The following ALG13 variants were observed in gnomAD, a reference collection of about 807,000 sequenced individuals.
ALG13 encodes UDP-N-acetylglucosamine transferase subunit ALG13.
ALG13 carries 11 observed loss-of-function variants against 87.8 expected under a neutral mutation model. The observed-to-expected ratio is 0.13, with a 90% CI of 0.08 to 0.21. ALG13 has a LOEUF of 0.21. ALG13 is among the 10% of genes least tolerant of loss of function. The pLI is 1.00. For synonymous variants in ALG13, 320 were observed against 306.3 expected, an observed-to-expected ratio of 1.04 and a Z score of -0.47; for missense variants, 756 against 866.1, an observed-to-expected ratio of 0.87 and a Z score of 1.60.
intron 20 of ALG13, 44 bp downstream of exon 20, chrX:111,730,471 A>G: frequency 8.4e-7 from 1 of 1,196,012 alleles, no homozygotes; most frequent in Non-Finnish European, 1.1e-6. Context: ...CATTGTTTAT[A>G]GAATTTCAAG....
intron 3 of ALG13, chrX:111,689,903 A>T: frequency 1.3e-6 from 1 of 753,983 alleles, no homozygotes; most frequent in Non-Finnish European, 1.6e-6. Flanking sequence ...GGAATTTCAC[A>T]CTTAACTGGG....
At chrX:111,755,318 A>G (rs1037406197) in intron 25 of ALG13, among the ~76,000 whole-genome samples, 1 of 112,514 alleles carries the variant, frequency 8.9e-6, no homozygotes, top group Admixed American at 9.4e-5. Flanking sequence ...ACCTAAAACC[A>G]TAAAAACCCT....
At position 111,708,314 on chromosome X, in the gene ALG13, A is replaced by C; in HGVS notation, c.671A>C (p.Glu224Ala). Residue 224 changes from glutamate to alanine, a missense_variant, in exon 4 of 27, where the codon GAA becomes GCA. Transcript: ENST00000394780. ...TCTTTGAATGAGGCATCAATGGATG[A>C]ATATTTAGGCAGCTTAGGGCTGTTT... ...QKSLNEASMD[E>A]YLGSLGLFRK... 1 of 1,211,754 alleles carries C rather than the reference A, an allele frequency of 8.3e-7. No homozygotes were observed. Among genetic ancestry groups the C allele is most frequent in the Middle Eastern group, 2.3e-4 (1 of 4,351 alleles).
chrX:111,757,640 A>G lies in ALG13; in HGVS notation c.3026A>G (p.Gln1009Arg), dbSNP rs765207183. 8.3e-7 allele frequency: 1 copy of G among 1,209,769 alleles called. No homozygotes were observed. Among genetic ancestry groups the G allele is most frequent in the Non-Finnish European group, 1.1e-6 (1 of 894,190 alleles). The part of the protein sequence containing the change: ...HSMVYVPQMQ[Q>R]QLHVENYPVY... ...ATGGTCTATGTGCCACAGATGCAGC[A>G]GCAGCTTCATGTAGAGAATTATCCA... The change falls in exon 26 of 27, where the codon CAG becomes CGG. Residue 1009 changes from glutamine (Q) to arginine (R), a missense_variant. Transcript: ENST00000394780.
At chrX:111,736,578 A>G (rs758783410) in intron 22 of ALG13, 136 bp from the exon 23 acceptor site, 57 of 551,740 alleles carry the variant, frequency 1.0e-4, no homozygotes, top group Middle Eastern at 1.1e-3. Context: ...ACCTTCCTAT[A>G]TAAGGTTTAC....
chrX:111,750,491 TGTG>T (rs765219392), intron 24 of ALG13, among the ~76,000 whole-genome samples: 8 of 111,298 alleles, frequency 7.2e-5, no homozygotes, highest in Non-Finnish European at 1.3e-4. Flanking sequence ...CTACAGATAT[TGTG>T]ATTTTTATTT....
chrX:111,736,093 C>T (rs1351068271), intron 22 of ALG13, among the ~76,000 whole-genome samples: 4 of 111,159 alleles, frequency 3.6e-5, no homozygotes, highest in Middle Eastern at 8.5e-3. Context: ...TACTTGAGCC[C>T]AGGGGTTCAA....
chrX:111,696,773 A>T (rs1297372653), intron 3 of ALG13, among the ~76,000 whole-genome samples: 1 of 111,495 alleles, frequency 9.0e-6, no homozygotes, highest in Non-Finnish European at 1.9e-5. Flanking sequence ...ATGTTATTTA[A>T]AGTTACTTTA....
intron 10 of ALG13, among the ~76,000 whole-genome samples, chrX:111,718,659 G>C: frequency 8.9e-6 from 1 of 112,217 alleles, no homozygotes. Context: ...TAAGCATTCT[G>C]ATGTAGGTAG....
intron 3 of ALG13, among the ~76,000 whole-genome samples, chrX:111,697,147 C>T (rs1000823031): frequency 9.0e-6 from 1 of 111,107 alleles, no homozygotes; most frequent in Non-Finnish European, 1.9e-5. Flanking sequence ...ACAAAAATTT[C>T]TAGAGCAGTG....
chrX:111,708,101 C>G lies in ALG13; in HGVS notation c.458C>G (p.Thr153Ser). 1 of 1,211,524 alleles carries G rather than the reference C, an allele frequency of 8.3e-7. No homozygotes were observed. Among genetic ancestry groups the G allele is most frequent in the Admixed American group, 2.2e-5 (1 of 46,040 alleles). Reference sequence around the variant, plus strand: ...AAGTGCCAAGATTCTGCAGCGCTGACTTCAACTGCCTTTTCAGGCCTAGAC... The same window carrying G: ...AAGTGCCAAGATTCTGCAGCGCTGAGTTCAACTGCCTTTTCAGGCCTAGAC... ...PGKCQDSAAL[T>S]STAFSGLDFG... Residue 153 changes from threonine (T) to serine (S), a missense_variant, in exon 4 of 27, where the codon ACT becomes AGT. By Grantham distance (58) the Thr-to-Ser change is moderately conservative (BLOSUM62 1). This residue lies in a region of ALG13 where 153 missense variants were observed against 168.7 expected (regional missense o/e 0.91). Transcript: ENST00000394780.
rs778694807 is a variant in ALG13 at position 111,712,388 on chromosome X, A to C, written c.886-96A>C. On this transcript the variant is annotated intron_variant, in intron 6 of 26. Transcript: ENST00000394780. ...GTGTGTTCTACAAATTCTTCATCTA[A>C]AACAGTGCTAAGCAGCTAAAAATTT... The C allele has an allele frequency of 5.5e-5, 26 of 470,153 alleles. No homozygotes were observed. The South Asian group carries it at 1.2e-3, about 22-fold the overall frequency. 38.7% of individuals were successfully genotyped at this position (470,153 alleles called of 1,213,427 possible).
chrX:111,748,984 G>A (rs1360019548), intron 24 of ALG13, among the ~76,000 whole-genome samples: 1 of 110,709 alleles, frequency 9.0e-6, no homozygotes, highest in Non-Finnish European at 1.9e-5. Context: ...TCGGGAGGCT[G>A]AGGCCGGAGA....
intron 22 of ALG13, 36 bp from the exon 23 acceptor site, chrX:111,736,678 A>C (rs752428832): frequency 2.5e-6 from 3 of 1,185,462 alleles, no homozygotes; most frequent in African/African-American, 3.5e-5. Context: ...TGAAAAACCA[A>C]ACTTAAGAGT....
At chrX:111,706,648 A>G (rs900871622) in intron 3 of ALG13, 2 of 111,118 alleles carry the variant, frequency 1.8e-5, no homozygotes, top group African/African-American at 6.6e-5. Flanking sequence ...GGTCTTAGCT[A>G]CTTGGGAGGC....
At position 111,727,645 on chromosome X, in the gene ALG13, T is replaced by G; in HGVS notation, c.2122T>G (p.Cys708Gly). 8.3e-7 allele frequency: 1 copy of G among 1,209,442 alleles called. No individual in the cohort carries two copies. Among genetic ancestry groups the G allele is most frequent in the Non-Finnish European group, 1.1e-6 (1 of 894,443 alleles). Residue 708 changes from cysteine (C) to glycine (G), a missense_variant, in exon 18 of 27, where the codon TGT becomes GGT. Cys to Gly is a radical substitution (Grantham distance 159, BLOSUM62 -3). Transcript: ENST00000394780. ...TAGACGTAGTCACCGCCAGATGAGT[T>G]GTGTGAATAAGGAGTCCCAGTATGG... is the stretch of plus-strand genomic sequence containing the variant. ...SFRRSHRQMS[C>G]VNKESQYGFT... is the part of the protein sequence containing the mutation.
At position 111,725,059 on chromosome X, in the gene ALG13, T is replaced by C; in HGVS notation, c.1727T>C (p.Ile576Thr). Residue 576 changes from isoleucine (I) to threonine (T), a missense_variant and splice_region_variant, in exon 15 of 27, where the codon ATA (isoleucine) becomes ACA (threonine). Physicochemically the swap from Ile to Thr is moderately conservative, Grantham distance 89. This residue lies in a region of ALG13 where 362 missense variants were observed against 383.5 expected (regional missense o/e 0.94). Coordinates refer to ENST00000394780, the MANE Select transcript of ALG13 (RefSeq NM_001099922.3). The stretch of plus-strand genomic sequence containing the variant: ...ATGCCTGGGGGTTATGTCCCGGAAA[T>C]AGGTTTGTATGCTAAAGGTTGTTAT... The part of the protein sequence containing the change: ...QKMPGGYVPE[I>T]VISEMDIKQQ... The C allele has an allele frequency of 1.7e-6, 2 of 1,209,631 alleles. No individual in the cohort carries two copies. Among genetic ancestry groups the C allele is most frequent in the Non-Finnish European group, 2.2e-6 (2 of 894,593 alleles).
At chrX:111,733,627 A>G (rs1276616639) in intron 21 of ALG13, among the ~76,000 whole-genome samples, 1 of 111,363 alleles carries the variant, frequency 9.0e-6, no homozygotes, top group Non-Finnish European at 1.9e-5. Context: ...GTTTTGTGTA[A>G]TGACTTCTTT....
chrX:111,705,558 C>T (rs1169770984), intron 3 of ALG13, among the ~76,000 whole-genome samples: 1 of 110,727 alleles, frequency 9.0e-6, no homozygotes, highest in African/African-American at 3.3e-5. Flanking sequence ...AAGATTTTCT[C>T]CTATGTTTTA....
Sources: gnomAD v4.1 joint callset for allele counts (sites outside exome capture counted in the v4.1 genomes callset) on GRCh38, gnomAD v4.1.1 for gene constraint, gnomAD v4.1.1 regional missense constraint, MANE v1.5 for transcripts, NCBI Gene and HGNC (gene_info 2026-07-23, HGNC 2026-07-21) for gene names.